The following ST18 variants were observed in gnomAD, a reference collection of about 807,000 sequenced individuals.
ST18 encodes the protein ST18 C2H2C-type zinc finger transcription factor.
A neutral mutation model predicts 110.0 loss-of-function variants in ST18; 50 were observed. That is an observed-to-expected ratio of 0.45 (90% CI 0.36 to 0.58). The LOEUF (loss-of-function observed/expected upper bound fraction) is 0.58, where lower values mean the gene tolerates loss of function less well. Ranked by LOEUF, ST18 falls within the 20% of genes least tolerant of loss-of-function variation. The pLI, the probability that ST18 is intolerant of heterozygous loss-of-function variation, is 0.00. For missense variants in ST18, 1,306 were observed against 1,280.1 expected (o/e 1.02, Z -0.31); for synonymous variants, 461 against 452.4 (o/e 1.02, Z -0.24).
chr8:52,388,265 C>A lies in ST18; in HGVS notation c.-465+21063G>T, dbSNP rs73679086. Among the ~76,000 whole-genome samples, 548 of 152,052 alleles carry A rather than the reference C, an allele frequency of 3.6e-3. 5 individuals are homozygous for A. The highest frequency in any genetic ancestry group is 0.012 in the African/African-American group (501 of 41,480). On this transcript the variant is annotated intron_variant, in intron 2 of 25. Coordinates refer to ENST00000689386, the MANE Select transcript of ST18 (RefSeq NM_001352837.2). ...AGCAGGACCCAGGAAAACGCCAGCG[C>A]GCTCCGAGCACACCTTGAATTCCTA... is the stretch of plus-strand genomic sequence containing the variant.
At chr8:52,287,597 T>C (rs1330680621) in intron 2 of ST18, among the ~76,000 whole-genome samples, 1 of 152,082 alleles carries the variant, frequency 6.6e-6, no homozygotes, top group African/African-American at 2.4e-5. Flanking sequence ...CCGGTTGCCA[T>C]GAAGGAGAAG....
intron 8 of ST18, chr8:52,206,361 C>T (rs970460888): frequency 6.6e-6 from 1 of 152,360 alleles, no homozygotes; most frequent in South Asian, 2.1e-4. Flanking sequence ...TAGAGTTCAT[C>T]GGCTTTACTT....
chr8:52,261,064 C>T (rs1295630854), intron 2 of ST18, among the ~76,000 whole-genome samples: 1 of 152,144 alleles, frequency 6.6e-6, no homozygotes, highest in Non-Finnish European at 1.5e-5. Context: ...GCCTGTTGGC[C>T]AACACTCTGA....
chr8:52,192,990 ATATATAGCAC>A (rs2075068045), intron 8 of ST18, among the ~76,000 whole-genome samples: 1 of 152,160 alleles, frequency 6.6e-6, no homozygotes, highest in Non-Finnish European at 1.5e-5. Context: ...GGGACAGGAT[ATATATAGCAC>A]CCAAGTGATC....
intron 15 of ST18, chr8:52,154,354 C>A (rs370761061): frequency 2.0e-5 from 3 of 152,344 alleles, no homozygotes; most frequent in East Asian, 3.9e-4. Flanking sequence ...AAGCAAGTGT[C>A]AATTTTTTGT....
intron 2 of ST18, among the ~76,000 whole-genome samples, chr8:52,292,956 T>G (rs1252039335): frequency 6.6e-6 from 1 of 152,214 alleles, no homozygotes; most frequent in Non-Finnish European, 1.5e-5. Flanking sequence ...CATGCAGAAC[T>G]CATCAAATTA....
intron 8 of ST18, chr8:52,194,849 T>C (rs569778448): frequency 6.6e-6 from 1 of 152,300 alleles, no homozygotes; most frequent in South Asian, 2.1e-4. Context: ...TTCAAGAACA[T>C]GAACAATCAT....
rs146771589 is a variant in ST18, at chr8:52,360,607, G to A, written c.-465+48721C>T. Among the ~76,000 whole-genome samples, 37 of 152,230 alleles carry A rather than the reference G, an allele frequency of 2.4e-4. 1 individual carries two copies. In the East Asian group the frequency reaches 6.4e-3, roughly 26 times the overall value. ...ATCTAGGAAATCCTGTAGCACCTTG[G>A]AAAAATCAAGTGAACTGAGGCAAAT... On this transcript the variant is annotated intron_variant, in intron 2 of 25. Transcript: ENST00000689386.
At chr8:52,183,699 G>T (rs934933703) in intron 8 of ST18, among the ~76,000 whole-genome samples, 1 of 152,148 alleles carries the variant, frequency 6.6e-6, no homozygotes, top group African/African-American at 2.4e-5. Context: ...GAACTGTCTT[G>T]GCTCCCAGCT....
At chr8:52,136,787 C>T (rs2052578931) in intron 18 of ST18, 129 bp from the exon 19 acceptor site, 12 of 795,682 alleles carry the variant, frequency 1.5e-5, no homozygotes, top group Non-Finnish European at 2.2e-5. Flanking sequence ...AAATAACTGG[C>T]TTTGAATCTG....
intron 8 of ST18, among the ~76,000 whole-genome samples, chr8:52,180,630 C>G (rs901784771): frequency 1.2e-4 from 18 of 151,844 alleles, no homozygotes; most frequent in African/African-American, 4.1e-4. Context: ...TTTGCTAATC[C>G]TAAGAAACAG....
intron 2 of ST18, among the ~76,000 whole-genome samples, chr8:52,315,174 C>G (rs1368025055): frequency 6.6e-6 from 1 of 152,184 alleles, no homozygotes; most frequent in Non-Finnish European, 1.5e-5. Context: ...CCTATTTCCA[C>G]CCTTGTATAG....
At chr8:52,378,931 T>A (rs866711226) in intron 2 of ST18, among the ~76,000 whole-genome samples, 16 of 152,202 alleles carry the variant, frequency 1.1e-4, no homozygotes, top group Non-Finnish European at 7.3e-5. Context: ...ACAGTCATTA[T>A]GAGCTGCTGC....
At chr8:52,267,492 A>AAC (rs982061366) in intron 2 of ST18, among the ~76,000 whole-genome samples, 1 of 151,052 alleles carries the variant, frequency 6.6e-6, no homozygotes, top group Non-Finnish European at 1.5e-5. Flanking sequence ...CTAAAAAAAA[A>AAC]AAAAAAAAAA....
intron 2 of ST18, among the ~76,000 whole-genome samples, chr8:52,319,567 C>A (rs939757839): frequency 6.6e-6 from 1 of 152,100 alleles, no homozygotes; most frequent in Non-Finnish European, 1.5e-5. Context: ...TACCATAAAG[C>A]CTTTTTTGCA....
chr8:52,268,538 C>CTATCTATCTATT (rs1236955162), intron 2 of ST18, among the ~76,000 whole-genome samples: 18 of 151,096 alleles, frequency 1.2e-4, no homozygotes, highest in African/African-American at 3.9e-4. Context: ...TATCTATCAT[C>CTATCTATCTATT]TATCTATCTA....
chr8:52,304,126 G>T (rs867302342), intron 2 of ST18, among the ~76,000 whole-genome samples: 1 of 152,058 alleles, frequency 6.6e-6, no homozygotes, highest in South Asian at 2.1e-4. Flanking sequence ...AGCATAAAAA[G>T]AAATGAAGAT....
chr8:52,168,980 C>T (rs920987234), intron 10 of ST18, among the ~76,000 whole-genome samples: 19 of 152,090 alleles, frequency 1.2e-4, no homozygotes, highest in African/African-American at 4.1e-4. Context: ...GGTAAGGTCA[C>T]GTTTCTAAAC....
chr8:52,171,576 C>A, intron 10 of ST18: 1 of 662,662 alleles, frequency 1.5e-6, no homozygotes, highest in Non-Finnish European at 2.7e-6. Context: ...AACCTTTTTT[C>A]ATGTGTGAAA....
Sources: allele counts gnomAD v4.1 joint callset (sites outside exome capture counted in the v4.1 genomes callset), GRCh38; gene constraint gnomAD v4.1.1; transcripts MANE v1.5; gene names NCBI Gene and HGNC (gene_info 2026-07-23, HGNC 2026-07-21).